SCFD2: variants seen among roughly 807,000 people sequenced by gnomAD.
SCFD2 encodes sec1 family domain-containing protein 2.
In SCFD2, 54 loss-of-function variants were observed where a neutral mutation model predicts 58.9. That is an observed-to-expected ratio of 0.92 (90% CI 0.74 to 1.15). The LOEUF (loss-of-function observed/expected upper bound fraction) is 1.15. SCFD2 is among the 50% of genes most tolerant of loss of function. The pLI, the probability that SCFD2 is intolerant of heterozygous loss-of-function variation, is 0.00. For missense variants in SCFD2, 805 were observed against 836.6 expected (o/e 0.96, Z 0.47); for synonymous variants, 321 against 335.9 (o/e 0.96, Z 0.49).
At chr4:53,075,697 C>T (rs1723952050) in intron 5 of SCFD2, among the ~76,000 whole-genome samples, 1 of 152,242 alleles carries the variant, frequency 6.6e-6, no homozygotes, top group African/African-American at 2.4e-5. Context: ...ATTGGTGGAG[C>T]AGTCAGAACA....
intron 3 of SCFD2, among the ~76,000 whole-genome samples, chr4:53,288,817 C>T (rs1352926073): frequency 6.6e-6 from 1 of 152,308 alleles, no homozygotes; most frequent in South Asian, 2.1e-4. Flanking sequence ...AAGTATAAAA[C>T]TCACTGGTAG....
chr4:53,346,377 C>A (rs774826472), intron 2 of SCFD2, among the ~76,000 whole-genome samples: 1 of 150,752 alleles, frequency 6.6e-6, no homozygotes, highest in Admixed American at 6.6e-5. Context: ...TGGGTTCAAG[C>A]GATTCTTCTG....
At chr4:53,076,284 T>TA (rs144856183) in intron 5 of SCFD2, among the ~76,000 whole-genome samples, 51,992 of 151,982 alleles carry the variant, frequency 0.34, 10,266 homozygotes, top group Non-Finnish European at 0.42. Flanking sequence ...TTCTTTTGGC[T>TA]AAAAAAATTC....
intron 4 of SCFD2, among the ~76,000 whole-genome samples, chr4:53,193,270 C>T (rs1727967688): frequency 6.6e-6 from 1 of 152,136 alleles, no homozygotes; most frequent in African/African-American, 2.4e-5. Context: ...TTACCACTAC[C>T]TCCAAGGAGA....
intron 4 of SCFD2, among the ~76,000 whole-genome samples, chr4:53,264,637 G>A (rs1324425855): frequency 6.6e-6 from 1 of 152,186 alleles, no homozygotes; most frequent in Non-Finnish European, 1.5e-5. Context: ...GCACTAAAAT[G>A]AGCCATCATA....
intron 5 of SCFD2, among the ~76,000 whole-genome samples, chr4:52,989,862 C>A (rs1279258965): frequency 6.6e-6 from 1 of 152,124 alleles, no homozygotes; most frequent in African/African-American, 2.4e-5. Context: ...TGTTTCTAGT[C>A]CTGCTGTTCA....
chr4:53,216,774 G>C (rs1005352219), intron 4 of SCFD2, among the ~76,000 whole-genome samples: 6 of 152,126 alleles, frequency 3.9e-5, no homozygotes, highest in Non-Finnish European at 5.9e-5. Context: ...GCTTTCTCTT[G>C]TGGGCATCTA....
intron 5 of SCFD2, among the ~76,000 whole-genome samples, chr4:52,943,386 C>T (rs1577846479): frequency 6.6e-6 from 1 of 152,246 alleles, no homozygotes; most frequent in East Asian, 1.9e-4. Context: ...TTTACTTCCT[C>T]ACAGTAAATT....
chr4:53,298,340 G>A (rs1282060975), intron 3 of SCFD2, among the ~76,000 whole-genome samples: 8 of 152,262 alleles, frequency 5.3e-5, no homozygotes, highest in East Asian at 1.9e-4. Context: ...ATGGAGCCTC[G>A]CTCATTGCTA....
At chr4:53,285,410 C>T (rs1045009465) in intron 3 of SCFD2, among the ~76,000 whole-genome samples, 1 of 151,894 alleles carries the variant, frequency 6.6e-6, no homozygotes. Flanking sequence ...AATAAATTCC[C>T]ACCTACAGTC....
intron 5 of SCFD2, among the ~76,000 whole-genome samples, chr4:52,935,755 G>A (rs1720119699): frequency 6.6e-6 from 1 of 152,082 alleles, no homozygotes; most frequent in African/African-American, 2.4e-5. Flanking sequence ...CAGACTTTGG[G>A]GTAGGTTTTC....
intron 2 of SCFD2, among the ~76,000 whole-genome samples, chr4:53,328,392 T>C (rs889125973): frequency 2.6e-5 from 4 of 152,200 alleles, no homozygotes. Context: ...AGGTACAAGA[T>C]GAATTTGAAA....
At chr4:53,118,316 C>T (rs1345629997) in intron 5 of SCFD2, among the ~76,000 whole-genome samples, 4 of 152,100 alleles carry the variant, frequency 2.6e-5, no homozygotes, top group Non-Finnish European at 4.4e-5. Context: ...TCAAGCAGTT[C>T]GTGGTCTCCT....
chr4:53,117,345 T>C (rs1725353735), intron 5 of SCFD2, among the ~76,000 whole-genome samples: 1 of 152,112 alleles, frequency 6.6e-6, no homozygotes. Flanking sequence ...GCATTCTTGT[T>C]CCCATATACA....
intron 4 of SCFD2, among the ~76,000 whole-genome samples, chr4:53,248,127 G>T (rs890119322): frequency 1.3e-5 from 2 of 152,346 alleles, no homozygotes; most frequent in South Asian, 2.1e-4. Context: ...CAAGGGATCA[G>T]GGAGTTCCCT....
At chr4:52,999,632 G>C (rs1721820503) in intron 5 of SCFD2, among the ~76,000 whole-genome samples, 1 of 152,176 alleles carries the variant, frequency 6.6e-6, no homozygotes, top group Non-Finnish European at 1.5e-5. Context: ...AATGTGCGAA[G>C]GGTCATGTTT....
At chr4:53,271,420 G>A (rs914862779) in intron 4 of SCFD2, among the ~76,000 whole-genome samples, 1 of 147,570 alleles carries the variant, frequency 6.8e-6, no homozygotes, top group Middle Eastern at 3.5e-3. Context: ...GAATGAGCTA[G>A]ATCTACATAC....
At chr4:53,015,657 C>A (rs1577661144) in intron 5 of SCFD2, among the ~76,000 whole-genome samples, 1 of 152,062 alleles carries the variant, frequency 6.6e-6, no homozygotes, top group East Asian at 1.9e-4. Context: ...TAACACATAT[C>A]TATGTGTTCC....
intron 7 of SCFD2, among the ~76,000 whole-genome samples, chr4:52,893,205 T>C (rs1266428797): frequency 2.6e-5 from 4 of 152,038 alleles, no homozygotes; most frequent in Non-Finnish European, 5.9e-5. Flanking sequence ...TCTCCTCTCC[T>C]CTCCCTTTCT....
Sources: allele counts gnomAD v4.1 joint callset (sites outside exome capture counted in the v4.1 genomes callset), GRCh38; gene constraint gnomAD v4.1.1; transcripts MANE v1.5; gene names NCBI Gene and HGNC (gene_info 2026-07-23, HGNC 2026-07-21).